The following CNTNAP2 variants were observed in gnomAD, a reference collection of about 807,000 sequenced individuals.
CNTNAP2 encodes contactin-associated protein-like 2.
A neutral mutation model predicts 155.2 loss-of-function variants in CNTNAP2; 98 were observed. That is an observed-to-expected ratio of 0.63 (90% CI 0.54 to 0.75). CNTNAP2 has a LOEUF of 0.75. Among genes scored for constraint, CNTNAP2 ranks in the 30% least tolerant of loss-of-function variants. CNTNAP2 has a pLI of 0.00. For missense variants in CNTNAP2, 1,727 were observed against 1,688.1 expected (o/e 1.02, Z -0.40); for synonymous variants, 651 against 631.2 (o/e 1.03, Z -0.47).
At chr7:146,298,574 G>T (rs1443948981) in intron 1 of CNTNAP2, among the ~76,000 whole-genome samples, 2 of 152,222 alleles carry the variant, frequency 1.3e-5, no homozygotes, top group African/African-American at 4.8e-5. Flanking sequence ...CTTCTGTCCA[G>T]ATGTGGGGCT....
rs726751 is a variant in CNTNAP2, at chr7:146,843,376, C to T, written c.402+3472C>T. Among the ~76,000 whole-genome samples the T allele has an allele frequency of 5.0e-3, 757 of 152,148 alleles. 8 individuals carry two copies. The highest frequency in any genetic ancestry group is 0.015 in the African/African-American group (632 of 41,506). On this transcript the variant is annotated intron_variant, in intron 3 of 23. Coordinates refer to ENST00000361727, the MANE Select transcript of CNTNAP2 (RefSeq NM_014141.6). ...CACTCACTGTCAGGAGATCAACAAG[C>T]GGGAAGTCCACCCCCGTGATCCAAT...
intron 3 of CNTNAP2, among the ~76,000 whole-genome samples, chr7:146,935,717 T>C (rs1366793031): frequency 6.6e-6 from 1 of 152,238 alleles, no homozygotes; most frequent in Non-Finnish European, 1.5e-5. Context: ...GAAGTATCTG[T>C]GCAGCTGCTG....
At chr7:146,904,822 C>T (rs1229575831) in intron 3 of CNTNAP2, among the ~76,000 whole-genome samples, 1 of 152,086 alleles carries the variant, frequency 6.6e-6, no homozygotes, top group African/African-American at 2.4e-5. Context: ...GACTGTGAAT[C>T]GTATTGTGCT....
At chr7:148,259,563 G>A (rs997048411) in intron 20 of CNTNAP2, among the ~76,000 whole-genome samples, 5 of 152,122 alleles carry the variant, frequency 3.3e-5, no homozygotes, top group African/African-American at 7.2e-5. Flanking sequence ...TGGAAAAAGC[G>A]GGATCTGCCT....
At chr7:147,856,687 A>G (rs1056868833) in intron 13 of CNTNAP2, among the ~76,000 whole-genome samples, 8 of 152,052 alleles carry the variant, frequency 5.3e-5, no homozygotes, top group African/African-American at 1.9e-4. Context: ...AATTAGAAAG[A>G]AAGTTTGGAA....
At chr7:146,828,506 A>C (rs559838965) in intron 2 of CNTNAP2, among the ~76,000 whole-genome samples, 2 of 152,202 alleles carry the variant, frequency 1.3e-5, no homozygotes, top group East Asian at 3.9e-4. Context: ...AGAGCTCATT[A>C]CTTTTATGGG....
Position 147,191,068 on chromosome 7 carries a change from G to A in CNTNAP2, c.1348+58559G>A, listed in dbSNP as rs565580448. ...ATGAGAAAGAAAGAAAAGAAGAAAA[G>A]GGGGCTGTAAAATGACTCACCATGT... is the stretch of plus-strand genomic sequence containing the variant. On this transcript the variant is annotated intron_variant, in intron 8 of 23. Coordinates refer to ENST00000361727, the MANE Select transcript of CNTNAP2 (RefSeq NM_014141.6). Among the ~76,000 whole-genome samples the A allele has an allele frequency of 5.9e-5, 9 of 152,172 alleles. No individual in the cohort carries two copies. In the South Asian group the frequency reaches 1.9e-3, roughly 32 times the overall value.
chr7:146,970,505 A>C (rs1797763570), intron 3 of CNTNAP2, among the ~76,000 whole-genome samples: 1 of 152,258 alleles, frequency 6.6e-6, no homozygotes, highest in Non-Finnish European at 1.5e-5. Flanking sequence ...TCAAAACCAC[A>C]GTGAGATACC....
At chr7:148,115,804 A>G (rs1461341033) in intron 15 of CNTNAP2, among the ~76,000 whole-genome samples, 2 of 151,946 alleles carry the variant, frequency 1.3e-5, no homozygotes, top group Non-Finnish European at 2.9e-5. Context: ...CTATTTGCCT[A>G]TTTTCTCCTA....
At chr7:146,189,856 T>G (rs1420632026) in intron 1 of CNTNAP2, among the ~76,000 whole-genome samples, 1 of 152,168 alleles carries the variant, frequency 6.6e-6, no homozygotes, top group Non-Finnish European at 1.5e-5. Flanking sequence ...CTTACAGCTG[T>G]TTATATTGAG....
intron 1 of CNTNAP2, among the ~76,000 whole-genome samples, chr7:146,481,504 A>G (rs1047075263): frequency 3.3e-5 from 5 of 152,224 alleles, no homozygotes; most frequent in African/African-American, 9.6e-5. Flanking sequence ...AATACTGTAA[A>G]GCACTTAGAA....
At chr7:147,399,764 C>T (rs1465981120) in intron 10 of CNTNAP2, among the ~76,000 whole-genome samples, 1 of 152,112 alleles carries the variant, frequency 6.6e-6, no homozygotes, top group East Asian at 1.9e-4. Context: ...GACAGAATCC[C>T]TTTTGTTTAA....
Position 148,291,031 on chromosome 7 carries a change from C to T in CNTNAP2, c.3475+23905C>T, listed in dbSNP as rs539160370. Among the ~76,000 whole-genome samples, 89 of 152,080 alleles carry T rather than the reference C, an allele frequency of 5.9e-4. 1 individual carries two copies. Among genetic ancestry groups the T allele is most frequent in the Non-Finnish European group, 8.8e-4 (60 of 67,992 alleles). ...TTAAGCTTCTTTTCACAAAATTGACCGGCGCAAGTCAGAATTTATACTTCT... is the reference window on the plus strand; with the variant it reads ...TTAAGCTTCTTTTCACAAAATTGACTGGCGCAAGTCAGAATTTATACTTCT... On this transcript the variant is annotated intron_variant, in intron 21 of 23. Coordinates refer to ENST00000361727, the MANE Select transcript of CNTNAP2 (RefSeq NM_014141.6).
At chr7:146,601,789 AATT>A (rs1798954510) in intron 1 of CNTNAP2, among the ~76,000 whole-genome samples, 1 of 152,110 alleles carries the variant, frequency 6.6e-6, no homozygotes, top group South Asian at 2.1e-4. Flanking sequence ...ACATAGGAAA[AATT>A]ATTATACATA....
At chr7:146,717,772 G>T (rs778639905) in intron 1 of CNTNAP2, among the ~76,000 whole-genome samples, 1 of 151,482 alleles carries the variant, frequency 6.6e-6, no homozygotes, top group Non-Finnish European at 1.5e-5. Context: ...TTTTTTTTGT[G>T]CCAGGGACGC....
chr7:147,203,713 T>C (rs893472657), intron 8 of CNTNAP2, among the ~76,000 whole-genome samples: 2 of 152,130 alleles, frequency 1.3e-5, no homozygotes, highest in Non-Finnish European at 2.9e-5. Context: ...GATAGTACTA[T>C]TGAAACAAAA....
intron 13 of CNTNAP2, among the ~76,000 whole-genome samples, chr7:147,660,572 T>A (rs548778525): frequency 3.9e-5 from 6 of 152,336 alleles, no homozygotes; most frequent in African/African-American, 1.4e-4. Context: ...ACCTCGTGCG[T>A]ATGGTTTTGC....
intron 12 of CNTNAP2, among the ~76,000 whole-genome samples, chr7:147,572,610 T>C (rs902189698): frequency 3.5e-4 from 53 of 152,184 alleles, no homozygotes; most frequent in Middle Eastern, 3.4e-3. Context: ...ACAGTGTGGA[T>C]GGCTAGGGAC....
intron 1 of CNTNAP2, among the ~76,000 whole-genome samples, chr7:146,164,371 T>A (rs1798279559): frequency 6.6e-6 from 1 of 152,210 alleles, no homozygotes. Context: ...TTTTTTGTTT[T>A]TTCTTTTTAA....
Sources: allele counts gnomAD v4.1 joint callset (sites outside exome capture counted in the v4.1 genomes callset), GRCh38; gene constraint gnomAD v4.1.1; transcripts MANE v1.5; gene names NCBI Gene and HGNC (gene_info 2026-07-23, HGNC 2026-07-21).